SZT2: variants seen among roughly 807,000 people sequenced by gnomAD.
SZT2 encodes SZT2 subunit of KICSTOR complex, also known as KICSTOR complex protein SZT2.
Under a neutral mutation model 404.2 loss-of-function variants are expected in SZT2, and 216 were observed. The ratio of observed to expected loss-of-function variants is 0.53; its 90% CI spans 0.48 to 0.60. The LOEUF (loss-of-function observed/expected upper bound fraction) is 0.60, where lower values mean the gene tolerates loss of function less well. SZT2 is among the 20% of genes least tolerant of loss of function. The probability of loss-of-function intolerance (pLI) is 0.00; values close to 1 mark genes in which losing one functional copy is unlikely to be tolerated. For missense variants in SZT2, 3,857 were observed against 4,459.2 expected (o/e 0.86, Z 3.85); for synonymous variants, 1,693 against 1,749.9 (o/e 0.97, Z 0.81).
chr1:43,407,064 A>G (rs1650402218), intron 4 of SZT2, among the ~76,000 whole-genome samples: 1 of 152,234 alleles, frequency 6.6e-6, no homozygotes. Flanking sequence ...GGATGGGAGA[A>G]TAGGCGAAGA....
At chr1:43,428,518 G>A (rs1014714872) in intron 28 of SZT2, 32 bp downstream of exon 28, 5 of 1,603,386 alleles carry the variant, frequency 3.1e-6, no homozygotes, top group Non-Finnish European at 4.2e-6. Context: ...TGGATAAGGG[G>A]GTACACAGAC....
rs1452994373 is a variant in SZT2 at position 43,391,944 on chromosome 1, C to T, written c.27+1949C>T. 7.2e-5 allele frequency among the ~76,000 whole-genome samples: 5 copies of T among 69,684 alleles called. 2 individuals are homozygous for T. The highest frequency in any genetic ancestry group is 1.5e-4 in the Non-Finnish European group (5 of 33,318). The allele number at this position is 69,684 out of a possible 152,430, so 45.7% of individuals were successfully genotyped here. On this transcript the variant is annotated intron_variant, in intron 1 of 71. Transcript: ENST00000634258. ...AAAAAAATACAAAAAATTAGCTGGG[C>T]GTGGTGGCGGGCGCCTGTAGTCCCA...
chr1:43,427,356 G>T lies in SZT2; in HGVS notation c.3509G>T (p.Ser1170Ile), dbSNP rs759709991. ...ACAAAGCCTAAGTTTGGGGATTGGAGTGGGGCTCCCAGTCTGAAAGATCTA... is the reference window on the plus strand; with the variant it reads ...ACAAAGCCTAAGTTTGGGGATTGGATTGGGGCTCCCAGTCTGAAAGATCTA... ...EETKPKFGDW[S>I]GAPSLKDLGG... The change falls in exon 25 of 72, where the codon AGT (serine) becomes ATT (isoleucine). Residue 1170 changes from serine (S) to isoleucine (I), a missense_variant. Physicochemically the swap from Ser to Ile is moderately radical, Grantham distance 142. Around this residue, in one of 7 missense-constraint regions of SZT2, gnomAD observed 1,725 missense variants for 1,881.0 expected, o/e 0.92. Coordinates refer to ENST00000634258, the MANE Select transcript of SZT2 (RefSeq NM_001365999.1). 1.2e-6 allele frequency: 2 copies of T among 1,614,102 alleles called. No homozygotes were observed. Among genetic ancestry groups the T allele is most frequent in the Admixed American group, 3.3e-5 (2 of 60,014 alleles).
At position 43,451,618 on chromosome 1, in the gene SZT2, G is replaced by A; in HGVS notation, c.*1138G>A. 1 of 1,614,028 alleles carries A rather than the reference G, an allele frequency of 6.2e-7. No individual in the cohort carries two copies. Among genetic ancestry groups the A allele is most frequent in the Non-Finnish European group, 8.5e-7 (1 of 1,179,946 alleles). On this transcript the variant is annotated 3_prime_UTR_variant, in exon 72 of 72. Transcript: ENST00000634258. ...TGAAGGACAGATGTGGGGATTGAAA[G>A]GGTGGGAGGGCAAAGGAAGGTCCTC...
rs538281885 is a variant in SZT2, at chr1:43,407,377, G to A, written c.498+2827G>A. On this transcript the variant is annotated intron_variant, in intron 4 of 71. Transcript: ENST00000634258. ...ACAACAACAAAAAAATTAGCTGGGC[G>A]TGATGGTGCATATCTGTAATCCCCG... Among the ~76,000 whole-genome samples the A allele has an allele frequency of 5.3e-5, 8 of 152,218 alleles. No individual in the cohort carries two copies. The East Asian group carries it at 1.2e-3, about 22-fold the overall frequency.
rs1303029498 is a variant in SZT2, at chr1:43,437,211, G to A, written c.6075G>A (p.Leu2025=). 2 of 1,614,036 alleles carry A rather than the reference G, an allele frequency of 1.2e-6. No individual in the cohort carries two copies. Among genetic ancestry groups the A allele is most frequent in the Non-Finnish European group, 1.7e-6 (2 of 1,180,058 alleles). ...ADESCAPRGY[L]AATMQFVPGH... is the part of the protein sequence containing the mutation. ...AGAGCTGTGCGCCCCGTGGGTACCT[G>A]GCAGCCACAATGCAGTTTGTCCCTG... The change falls in exon 43 of 72, where the codon CTG becomes CTA. Residue 2025 remains leucine, a synonymous_variant. Coordinates refer to ENST00000634258, the MANE Select transcript of SZT2 (RefSeq NM_001365999.1). This position sits in a 1 kb window ranked among gnomAD's most constrained non-coding sequence, Gnocchi z 5.3.
Position 43,431,060 on chromosome 1 carries a change from T to TC in SZT2, c.4890dup (p.Thr1631HisfsTer13), listed in dbSNP as rs1653807355. 1 of 1,613,896 alleles carries TC rather than the reference T, an allele frequency of 6.2e-7. No homozygotes were observed. Among genetic ancestry groups the TC allele is most frequent in the Non-Finnish European group, 8.5e-7 (1 of 1,180,006 alleles). On this transcript the variant is annotated frameshift_variant, in exon 33 of 72. Transcript: ENST00000634258. LOFTEE classifies it high-confidence loss of function. ...CTGACTTTGCCCCTGGAAGTGGAGCTCCCCACGGCCTCGGACCCTCAGCAC... is the reference window on the plus strand; with the variant it reads ...CTGACTTTGCCCCTGGAAGTGGAGCTCCCCCACGGCCTCGGACCCTCAGCAC...
rs1221078368 is a variant in SZT2 at position 43,453,114 on chromosome 1, G to A, written c.*2634G>A. The A allele has an allele frequency of 1.6e-5, 12 of 735,862 alleles. No homozygotes were observed. The East Asian group carries it at 3.2e-4, about 20-fold the overall frequency. 45.6% of individuals were successfully genotyped at this position (735,862 alleles called of 1,614,324 possible). A position where few individuals can be genotyped will look rare whatever the true frequency, so the allele number is the denominator to read the frequency against. ...TCCTGGAATAGGCCTGTCCTCAAATGCATCACTGTATATATTTACTCTCCT... is the reference window on the plus strand; with the variant it reads ...TCCTGGAATAGGCCTGTCCTCAAATACATCACTGTATATATTTACTCTCCT... On this transcript the variant is annotated 3_prime_UTR_variant, in exon 72 of 72. Coordinates refer to ENST00000634258, the MANE Select transcript of SZT2 (RefSeq NM_001365999.1).
Position 43,426,917 on chromosome 1 carries a change from A to T in SZT2, c.3309+108A>T. 6.5e-7 allele frequency: 1 copy of T among 1,549,098 alleles called. No homozygotes were observed. The highest frequency in any genetic ancestry group is 8.8e-7 in the Non-Finnish European group (1 of 1,132,368). On this transcript the variant is annotated intron_variant, in intron 23 of 71. Transcript: ENST00000634258. The surrounding 1 kb of genome is among the most constrained non-coding windows in gnomAD (Gnocchi z 4.9). ...CCCTTGAGACTAAATGGCATCTGCC[A>T]ATGACACAATGCCGTCATTTTCCAT...
In SZT2 at chr1:43,443,103, A is replaced by T. The variant is rs746588706; in HGVS notation, c.8419+17A>T. On this transcript the variant is annotated intron_variant, in intron 59 of 71. Coordinates refer to ENST00000634258, the MANE Select transcript of SZT2 (RefSeq NM_001365999.1). ...AGCGCAGAGGTGAGGGTACTGGGCC[A>T]GGCAGCAGGGACAGGAAATCTGTGG... 1.2e-6 allele frequency: 2 copies of T among 1,611,738 alleles called. No individual in the cohort carries two copies. The highest frequency in any genetic ancestry group is 1.1e-5 in the South Asian group (1 of 90,856).
In SZT2 at chr1:43,450,657, A is replaced by C; in HGVS notation, c.*177A>C. ...CTGCTGCCCCAGCCTGGCAGCAGGA[A>C]CCGCCCTCCCCAAACACCCACAGCC... On this transcript the variant is annotated 3_prime_UTR_variant, in exon 72 of 72. Coordinates refer to ENST00000634258, the MANE Select transcript of SZT2 (RefSeq NM_001365999.1). The surrounding 1 kb of genome is among the most constrained non-coding windows in gnomAD (Gnocchi z 4.3). The C allele has an allele frequency of 1.0e-6, 1 of 972,040 alleles. No individual in the cohort carries two copies. The highest frequency in any genetic ancestry group is 1.6e-5 in the South Asian group (1 of 62,572). The allele number at this position is 972,040 out of a possible 1,614,324, so 60.2% of individuals were successfully genotyped here.
chr1:43,420,778 C>G lies in SZT2; in HGVS notation c.1291C>G (p.Leu431Val). Residue 431 changes from leucine to valine, a missense_variant, in exon 10 of 72, where the codon CTG becomes GTG. This residue lies in a region of SZT2 where 536 missense variants were observed against 637.4 expected (regional missense o/e 0.84). Transcript: ENST00000634258. This position sits in a 1 kb window ranked among gnomAD's most constrained non-coding sequence, Gnocchi z 5.1. ...GTCCCAATTGGAGGTAAAGCTGGTG[C>G]TGCTGTGGAAACACAACATGCGCAT... ...GGSQLEVKLVLLWKHNMRIEY... is the reference protein window; with the variant it reads ...GGSQLEVKLVVLWKHNMRIEY... 5 of 1,598,448 alleles carry G rather than the reference C, an allele frequency of 3.1e-6. No homozygotes were observed. The highest frequency in any genetic ancestry group is 4.2e-6 in the Non-Finnish European group (5 of 1,179,822).
chr1:43,441,988 C>A lies in SZT2; in HGVS notation c.7743-12C>A. Reference sequence around the variant, plus strand: ...CATGGATGGCCTTTCTGTCTGTCCTCCCTTTCAATAGGGGTTCAGAGCCAG... The same window carrying A: ...CATGGATGGCCTTTCTGTCTGTCCTACCTTTCAATAGGGGTTCAGAGCCAG... On this transcript the variant is annotated splice_polypyrimidine_tract_variant and intron_variant, in intron 55 of 71. Transcript: ENST00000634258. This position sits in a 1 kb window ranked among gnomAD's most constrained non-coding sequence, Gnocchi z 4.8. 6.2e-7 allele frequency: 1 copy of A among 1,608,236 alleles called. No homozygotes were observed.
At position 43,426,236 on chromosome 1, in the gene SZT2, G is replaced by A; in HGVS notation, c.3043+85G>A. 1 of 1,518,506 alleles carries A rather than the reference G, an allele frequency of 6.6e-7. No homozygotes were observed. Among genetic ancestry groups the A allele is most frequent in the Non-Finnish European group, 8.9e-7 (1 of 1,120,578 alleles). The allele number at this position is 1,518,506 out of a possible 1,614,324, so 94.1% of individuals were successfully genotyped here. Reference sequence around the variant, plus strand: ...TAGAAAATAACAAACAGATGGGTCAGCAAGTGAGCAGATGAGTGGTGGGGG... The same window carrying A: ...TAGAAAATAACAAACAGATGGGTCAACAAGTGAGCAGATGAGTGGTGGGGG... On this transcript the variant is annotated intron_variant, in intron 21 of 71. Transcript: ENST00000634258. This position sits in a 1 kb window ranked among gnomAD's most constrained non-coding sequence, Gnocchi z 4.9.
chr1:43,420,202 C>G lies in SZT2; in HGVS notation c.1140C>G (p.Asn380Lys). Residue 380 changes from asparagine (N) to lysine (K), a missense_variant, in exon 9 of 72, where the codon AAC (asparagine) becomes AAG (lysine). Asn to Lys is a moderately conservative substitution (Grantham distance 94, BLOSUM62 0). Transcript: ENST00000634258. This position sits in a 1 kb window ranked among gnomAD's most constrained non-coding sequence, Gnocchi z 5.1. ...AGCACCTGGTCTCTGCAAGCAGCAACCCTGCCCTGGCCTTGCGCCGGAAGA... is the reference window on the plus strand; with the variant it reads ...AGCACCTGGTCTCTGCAAGCAGCAAGCCTGCCCTGGCCTTGCGCCGGAAGA... ...FNEHLVSASSNPALALRRKKH... is the reference protein window; with the variant it reads ...FNEHLVSASSKPALALRRKKH... The G allele has an allele frequency of 6.3e-7, 1 of 1,598,492 alleles. No homozygotes were observed. Among genetic ancestry groups the G allele is most frequent in the Non-Finnish European group, 8.5e-7 (1 of 1,179,822 alleles).
chr1:43,453,418 G>T lies in SZT2; in HGVS notation c.*2938G>T. On this transcript the variant is annotated 3_prime_UTR_variant, in exon 72 of 72. Transcript: ENST00000634258. ...AGCCCAGGGCTTTGGCATACCGCAC[G>T]GCCTGCTCCAGTCCCTCTCGGAAGG... 1 of 1,559,564 alleles carries T rather than the reference G, an allele frequency of 6.4e-7. No individual in the cohort carries two copies. Among genetic ancestry groups the T allele is most frequent in the Non-Finnish European group, 8.7e-7 (1 of 1,150,934 alleles).
At chr1:43,392,819 T>C (rs1648561619) in intron 1 of SZT2, among the ~76,000 whole-genome samples, 1 of 152,236 alleles carries the variant, frequency 6.6e-6, no homozygotes, top group African/African-American at 2.4e-5. Flanking sequence ...TATTGACTTT[T>C]AGAGGCTGTT....
chr1:43,452,212 A>C lies in SZT2; in HGVS notation c.*1732A>C. 6.2e-7 allele frequency: 1 copy of C among 1,612,376 alleles called. No individual in the cohort carries two copies. Among genetic ancestry groups the C allele is most frequent in the Non-Finnish European group, 8.5e-7 (1 of 1,178,994 alleles). On this transcript the variant is annotated 3_prime_UTR_variant, in exon 72 of 72. Coordinates refer to ENST00000634258, the MANE Select transcript of SZT2 (RefSeq NM_001365999.1). ...TGTTTCCACCTTTCTCACCTGAGCC[A>C]AAACCCCAGCTGCATGCCTCAGGTT...
At chr1:43,418,336 C>T (rs1651938713) in intron 7 of SZT2, among the ~76,000 whole-genome samples, 1 of 152,150 alleles carries the variant, frequency 6.6e-6, no homozygotes, top group African/African-American at 2.4e-5. Flanking sequence ...AAAAAGGAGG[C>T]TGGTGGAGTA....
Sources: allele counts gnomAD v4.1 joint callset (sites outside exome capture counted in the v4.1 genomes callset), GRCh38; gene constraint gnomAD v4.1.1; regional missense constraint gnomAD v4.1.1; non-coding constraint Gnocchi (gnomAD v3.1); transcripts MANE v1.5; gene names NCBI Gene and HGNC (gene_info 2026-07-23, HGNC 2026-07-21).